ASPRV1: variants seen among roughly 807,000 people sequenced by gnomAD.
The protein encoded by ASPRV1 is aspartic peptidase retroviral like 1.
In ASPRV1, 7 loss-of-function variants were observed where a neutral mutation model predicts 11.0. That is an observed-to-expected ratio of 0.64 (90% CI 0.36 to 1.20). The LOEUF is 1.20. Ranked by LOEUF, ASPRV1 falls within the 50% of genes most tolerant of loss-of-function variation. ASPRV1 has a pLI of 0.02. For synonymous variants in ASPRV1, 136 were observed against 138.4 expected (o/e 0.98, Z 0.12); for missense variants, 299 against 320.0 (o/e 0.93, Z 0.50).
chr2:69,969,563 G>C, the ASPRV1 span, among the ~76,000 whole-genome samples: 1 of 152,084 alleles, frequency 6.6e-6, no homozygotes. Flanking sequence ...GTGGCTCCCT[G>C]AGGCTCTGTC....
At chr2:70,052,544 G>A in the ASPRV1 span, among the ~76,000 whole-genome samples, 20 of 152,178 alleles carry the variant, frequency 1.3e-4, no homozygotes, top group African/African-American at 3.9e-4. Flanking sequence ...ATCTGTTCAC[G>A]CACCCATTCA....
the ASPRV1 span, among the ~76,000 whole-genome samples, chr2:70,006,939 T>G: frequency 6.6e-6 from 1 of 152,064 alleles, no homozygotes; most frequent in African/African-American, 2.4e-5. Flanking sequence ...CCTGGCTGCC[T>G]GGGTTCAAGT....
chr2:70,071,567 C>T, the ASPRV1 span: 1 of 151,640 alleles, frequency 6.6e-6, no homozygotes, highest in Admixed American at 6.6e-5. Flanking sequence ...CATGGTGAAA[C>T]CCCATCTCTA....
the ASPRV1 span, among the ~76,000 whole-genome samples, chr2:70,044,807 A>G: frequency 8.5e-5 from 13 of 152,128 alleles, 1 homozygote; most frequent in Admixed American, 7.9e-4. Flanking sequence ...TAGTCACACA[A>G]CAGGTGCCAC....
At chr2:69,937,195 T>A in the ASPRV1 span, 1 of 1,609,440 alleles carries the variant, frequency 6.2e-7, no homozygotes, top group Non-Finnish European at 8.5e-7. Flanking sequence ...CATTTAGAGA[T>A]CTCCCTGTGG....
the ASPRV1 span, among the ~76,000 whole-genome samples, chr2:70,084,441 T>G: frequency 6.6e-6 from 1 of 152,188 alleles, no homozygotes; most frequent in Non-Finnish European, 1.5e-5. Context: ...GGACTCAGAT[T>G]GCCTAAATTC....
chr2:70,084,759 T>C, the ASPRV1 span, among the ~76,000 whole-genome samples: 4 of 152,330 alleles, frequency 2.6e-5, no homozygotes, highest in South Asian at 2.1e-4. Context: ...TGTTTCTTAG[T>C]GGTTTTTTTA....
chr2:69,975,324 A>G, the ASPRV1 span: 6 of 152,678 alleles, frequency 3.9e-5, no homozygotes, highest in African/African-American at 1.4e-4. Flanking sequence ...GCCCACAGAC[A>G]GCAAGAGCCC....
chr2:70,025,464 T>C, the ASPRV1 span, among the ~76,000 whole-genome samples: 2 of 151,922 alleles, frequency 1.3e-5, no homozygotes, highest in Non-Finnish European at 2.9e-5. Flanking sequence ...AAGAAAAGGA[T>C]GGAGATGACC....
chr2:70,078,880 GC>G, the ASPRV1 span, among the ~76,000 whole-genome samples: 21 of 152,220 alleles, frequency 1.4e-4, no homozygotes, highest in African/African-American at 5.1e-4. Flanking sequence ...GGGGCAAAGA[GC>G]AAAAGGAGGA....
At chr2:70,067,462 AC>A in the ASPRV1 span, among the ~76,000 whole-genome samples, 1 of 152,340 alleles carries the variant, frequency 6.6e-6, no homozygotes, top group African/African-American at 2.4e-5. Context: ...GGTTGAGATC[AC>A]CCAAAAACTG....
At chr2:69,968,548 A>C in the ASPRV1 span, 1 of 152,236 alleles carries the variant, frequency 6.6e-6, no homozygotes, top group Non-Finnish European at 1.5e-5. Context: ...CACAAAAAAA[A>C]CTGGTCCATA....
chr2:70,075,698 T>C, the ASPRV1 span, among the ~76,000 whole-genome samples: 2 of 151,792 alleles, frequency 1.3e-5, no homozygotes, highest in Non-Finnish European at 2.9e-5. Flanking sequence ...AATACAAAAT[T>C]AGCCGGGCTT....
the ASPRV1 span, among the ~76,000 whole-genome samples, chr2:70,025,771 T>C: frequency 4.6e-5 from 7 of 152,260 alleles, no homozygotes; most frequent in East Asian, 1.4e-3. Context: ...AGCCTGACTA[T>C]CCAGATACAC....
the ASPRV1 span, chr2:70,086,036 G>C: frequency 6.6e-6 from 1 of 152,202 alleles, no homozygotes; most frequent in African/African-American, 2.4e-5. Context: ...AAAGGCGAGA[G>C]ATTAAATATT....
At chr2:70,030,897 T>C in the ASPRV1 span, 1 of 152,192 alleles carries the variant, frequency 6.6e-6, no homozygotes, top group Admixed American at 6.5e-5. Flanking sequence ...GACTAGGTGC[T>C]GGGGATGCAA....
At chr2:70,046,034 C>T in the ASPRV1 span, 1 of 152,222 alleles carries the variant, frequency 6.6e-6, no homozygotes, top group African/African-American at 2.4e-5. Flanking sequence ...ACTCTCTCTG[C>T]AGAAGATGAG....
At chr2:70,061,122 A>G in the ASPRV1 span, among the ~76,000 whole-genome samples, 5 of 151,738 alleles carry the variant, frequency 3.3e-5, no homozygotes, top group African/African-American at 1.2e-4. Context: ...CAGGCCGGGC[A>G]CGGTGGCTCA....
chr2:69,970,864 C>T, the ASPRV1 span: 3 of 152,270 alleles, frequency 2.0e-5, no homozygotes, highest in Non-Finnish European at 2.9e-5. Context: ...AGATGAGCAG[C>T]ATTCAAAGTT....
Sources: gnomAD v4.1 joint callset for allele counts (sites outside exome capture counted in the v4.1 genomes callset) on GRCh38, gnomAD v4.1.1 for gene constraint, MANE v1.5 for transcripts, NCBI Gene and HGNC (gene_info 2026-07-23, HGNC 2026-07-21) for gene names.